The following PSMD1 variants were observed in gnomAD, a reference collection of about 807,000 sequenced individuals.
PSMD1 encodes the protein proteasome 26S subunit, non-ATPase 1.
In PSMD1, 18 loss-of-function variants were observed where a neutral mutation model predicts 119.0. That is an observed-to-expected ratio of 0.15 (90% CI 0.10 to 0.22). The LOEUF (loss-of-function observed/expected upper bound fraction) is 0.22. PSMD1 is among the 10% of genes least tolerant of loss of function. PSMD1 has a pLI of 1.00. For missense variants in PSMD1, 702 were observed against 1,158.5 expected (o/e 0.61, Z 5.72); for synonymous variants, 374 against 396.6 (o/e 0.94, Z 0.68).
intron 1 of PSMD1, among the ~76,000 whole-genome samples, chr2:231,057,432 G>T (rs567127713): frequency 6.6e-6 from 1 of 152,370 alleles, no homozygotes; most frequent in South Asian, 2.1e-4. Flanking sequence ...CTGTGCCATT[G>T]AACAGTAAGG....
At chr2:231,132,602 C>A (rs889893968) in intron 16 of PSMD1, among the ~76,000 whole-genome samples, 9 of 152,036 alleles carry the variant, frequency 5.9e-5, no homozygotes, top group Non-Finnish European at 1.2e-4. Flanking sequence ...CTCTACCACT[C>A]CACCGACTCT....
chr2:231,148,241 G>A (rs564006486), intron 18 of PSMD1, among the ~76,000 whole-genome samples: 27 of 152,102 alleles, frequency 1.8e-4, no homozygotes, highest in Non-Finnish European at 3.4e-4. Flanking sequence ...CAACTGAGTA[G>A]TGTCATTAAA....
At chr2:231,094,207 C>T (rs1455826744) in intron 16 of PSMD1, among the ~76,000 whole-genome samples, 1 of 152,058 alleles carries the variant, frequency 6.6e-6, no homozygotes, top group African/African-American at 2.4e-5. Flanking sequence ...GCAATCTGGG[C>T]ATTGCAGGAT....
At chr2:231,106,506 T>C (rs574628708) in intron 16 of PSMD1, among the ~76,000 whole-genome samples, 1 of 152,196 alleles carries the variant, frequency 6.6e-6, no homozygotes, top group African/African-American at 2.4e-5. Context: ...TAATGCCAGC[T>C]ACTCAGGAGG....
intron 16 of PSMD1, among the ~76,000 whole-genome samples, chr2:231,132,842 T>G (rs1031358421): frequency 6.6e-6 from 1 of 152,196 alleles, no homozygotes; most frequent in Non-Finnish European, 1.5e-5. Flanking sequence ...TGATAGGAAC[T>G]GAAACAAGGC....
At position 231,062,626 on chromosome 2, in the gene PSMD1, G is replaced by A. The variant is rs1283755631; in HGVS notation, c.255G>A (p.Gly85=). The A allele has an allele frequency of 6.2e-7, 1 of 1,612,968 alleles. No homozygotes were observed. The highest frequency in any genetic ancestry group is 1.7e-5 in the Admixed American group (1 of 59,744). ...EESLNYALGA[G]DLFNVNDNSE... ...CTCTGAATTATGCTCTTGGAGCAGG[G>A]GACCTCTTCAATGTCAATGATAACT... Residue 85 remains glycine (G), a synonymous_variant, in exon 4 of 25, where the codon GGG becomes GGA. Transcript: ENST00000308696.
chr2:231,161,456 C>T lies in PSMD1; in HGVS notation c.2335C>T (p.Leu779=). ...FWFWFPLSHF[L]SLAYTPTCVI... ...GTTCTGGTTTCCTCTTTCACACTTC[C>T]TGTCATTGGCTTATACCCCTACCTG... Residue 779 remains leucine (L), a synonymous_variant, in exon 20 of 25, where the codon CTG becomes TTG. Transcript: ENST00000308696. 1 of 1,614,096 alleles carries T rather than the reference C, an allele frequency of 6.2e-7. No homozygotes were observed. Among genetic ancestry groups the T allele is most frequent in the Non-Finnish European group, 8.5e-7 (1 of 1,180,010 alleles).
intron 16 of PSMD1, chr2:231,123,905 A>C: frequency 1.4e-6 from 1 of 710,042 alleles, no homozygotes; most frequent in Admixed American, 2.1e-5. Flanking sequence ...TTAAAAAAAA[A>C]AATTCAAGTT....
intron 6 of PSMD1, among the ~76,000 whole-genome samples, chr2:231,071,270 C>A (rs184007390): frequency 9.9e-5 from 15 of 151,886 alleles, no homozygotes; most frequent in African/African-American, 3.6e-4. Flanking sequence ...TATTCCTTAT[C>A]TTTTTATTAT....
rs1015998918 is a variant in PSMD1 at position 231,075,387 on chromosome 2, T to C, written c.882-124T>C. On this transcript the variant is annotated intron_variant, in intron 7 of 24. Coordinates refer to ENST00000308696, the MANE Select transcript of PSMD1 (RefSeq NM_002807.4). ...GAGATGTGTAGAATTTTTTATTTCT[T>C]AATGGTAATACTTTAGTAAACATTA... The C allele has an allele frequency of 7.9e-6, 6 of 763,476 alleles. No individual in the cohort carries two copies. In the African/African-American group the frequency reaches 1.1e-4, roughly 14 times the overall value. 47.3% of individuals were successfully genotyped at this position (763,476 alleles called of 1,614,324 possible).
At chr2:231,075,660 A>C in intron 8 of PSMD1, 89 bp downstream of exon 8, 1 of 1,149,364 alleles carries the variant, frequency 8.7e-7, no homozygotes. Context: ...GCTCACTACA[A>C]CCTCTGCCTC....
chr2:231,116,974 A>C (rs1695362223), intron 16 of PSMD1, among the ~76,000 whole-genome samples: 1 of 152,044 alleles, frequency 6.6e-6, no homozygotes, highest in Admixed American at 6.6e-5. Context: ...ACAAAAAAGA[A>C]AAAGAGGCTT....
chr2:231,101,199 C>T (rs912595478), intron 16 of PSMD1, among the ~76,000 whole-genome samples: 5 of 152,268 alleles, frequency 3.3e-5, no homozygotes, highest in East Asian at 1.9e-4. Context: ...GTCCTGCACA[C>T]GAGTGATCAA....
intron 1 of PSMD1, among the ~76,000 whole-genome samples, chr2:231,058,493 C>T (rs1299931141): frequency 6.6e-6 from 1 of 151,170 alleles, no homozygotes; most frequent in Non-Finnish European, 1.5e-5. Flanking sequence ...CTGTGGTGGT[C>T]GGACATCGTG....
Position 231,077,055 on chromosome 2 carries a change from A to G in PSMD1, c.964A>G (p.Thr322Ala). The change falls in exon 9 of 25, where the codon ACT (threonine) becomes GCT (alanine). Residue 322 changes from threonine to alanine, a missense_variant. Thr to Ala is a moderately conservative substitution (Grantham distance 58, BLOSUM62 0). Around this residue, in one of 9 missense-constraint regions of PSMD1, gnomAD observed 69 missense variants for 71.6 expected, o/e 0.96. Coordinates refer to ENST00000308696, the MANE Select transcript of PSMD1 (RefSeq NM_002807.4). ...PEASPEPKDQ[T>A]LKMIKILSGE... ...GCAGAGTCCAGAGCCTAAGGACCAGACTTTGAAAATGATTAAAATTTTAAG... is the reference window on the plus strand; with the variant it reads ...GCAGAGTCCAGAGCCTAAGGACCAGGCTTTGAAAATGATTAAAATTTTAAG... 1.2e-6 allele frequency: 2 copies of G among 1,604,100 alleles called. No individual in the cohort carries two copies. The highest frequency in any genetic ancestry group is 1.7e-6 in the Non-Finnish European group (2 of 1,176,810).
intron 22 of PSMD1, 103 bp downstream of exon 22, chr2:231,165,389 T>C: frequency 7.7e-7 from 1 of 1,291,234 alleles, no homozygotes; most frequent in Non-Finnish European, 1.0e-6. Context: ...CTTGGCTTCC[T>C]TCAAACAATT....
intron 16 of PSMD1, among the ~76,000 whole-genome samples, chr2:231,096,734 A>T (rs552708994): frequency 6.6e-6 from 1 of 152,346 alleles, no homozygotes; most frequent in Non-Finnish European, 1.5e-5. Flanking sequence ...AAGCGTTCTT[A>T]TCCCTGATGC....
intron 19 of PSMD1, among the ~76,000 whole-genome samples, chr2:231,155,850 T>A (rs1453197184): frequency 6.6e-6 from 1 of 152,018 alleles, no homozygotes; most frequent in Admixed American, 6.6e-5. Context: ...TGTTTATAGA[T>A]AAAAAAATTC....
At chr2:231,139,870 A>T (rs1052737682) in intron 17 of PSMD1, among the ~76,000 whole-genome samples, 1 of 152,230 alleles carries the variant, frequency 6.6e-6, no homozygotes, top group Admixed American at 6.5e-5. Flanking sequence ...ATTTGAAAAC[A>T]TAATTCATCA....
Sources: gnomAD v4.1 joint callset for allele counts (sites outside exome capture counted in the v4.1 genomes callset) on GRCh38, gnomAD v4.1.1 for gene constraint, gnomAD v4.1.1 regional missense constraint, MANE v1.5 for transcripts, NCBI Gene and HGNC (gene_info 2026-07-23, HGNC 2026-07-21) for gene names.